Variants in C4orf17 observed in about 807,000 individuals in gnomAD.
C4orf17 encodes the protein chromosome 4 open reading frame 17, also known as uncharacterized protein C4orf17.
A neutral mutation model predicts 32.0 loss-of-function variants in C4orf17; 25 were observed. The observed-to-expected ratio is 0.78, with a 90% CI of 0.57 to 1.09. C4orf17 has a LOEUF of 1.09. Among genes scored for constraint, C4orf17 ranks in the 50% least tolerant of loss-of-function variants. The pLI is 0.00. For missense variants in C4orf17, 420 were observed against 420.0 expected, an observed-to-expected ratio of 1.00 and a Z score of 0.00; for synonymous variants, 149 against 145.8, an observed-to-expected ratio of 1.02 and a Z score of -0.16.
chr4:99,512,861 C>G, intron 1 of C4orf17, 128 bp from the exon 2 acceptor site: 1 of 492,718 alleles, frequency 2.0e-6, no homozygotes, highest in Non-Finnish European at 3.6e-6. Context: ...GGTCTGAAAA[C>G]AAAATAGCCT....
At chr4:99,536,882 AAGTTATAGGGAAT>A (rs1723571668) in intron 5 of C4orf17, among the ~76,000 whole-genome samples, 1 of 152,120 alleles carries the variant, frequency 6.6e-6, no homozygotes, top group South Asian at 2.1e-4. Flanking sequence ...ATATTAGGGA[AAGTTATAGGGAAT>A]AGTCACGAAC....
chr4:99,524,725 A>G, intron 4 of C4orf17, 140 bp downstream of exon 4: 1 of 553,726 alleles, frequency 1.8e-6, no homozygotes, highest in Non-Finnish European at 3.2e-6. Flanking sequence ...ACATAATATA[A>G]GATACACATA....
chr4:99,511,587 C>T (rs891069298), intron 1 of C4orf17, among the ~76,000 whole-genome samples: 4 of 152,044 alleles, frequency 2.6e-5, no homozygotes, highest in Non-Finnish European at 5.9e-5. Flanking sequence ...AACAATTAAT[C>T]TGTGGTCACT....
At chr4:99,524,659 T>C in intron 4 of C4orf17, 74 bp downstream of exon 4, 2 of 877,206 alleles carry the variant, frequency 2.3e-6, no homozygotes, top group Admixed American at 2.4e-5. Context: ...TTACATACCT[T>C]TCCGAAAAGT....
At chr4:99,515,873 G>C (rs1723172743) in intron 2 of C4orf17, among the ~76,000 whole-genome samples, 1 of 152,068 alleles carries the variant, frequency 6.6e-6, no homozygotes. Flanking sequence ...ATAGAGAAGA[G>C]AATTAGGAGG....
At position 99,535,905 on chromosome 4, in the gene C4orf17, A is replaced by C. The variant is rs911597697; in HGVS notation, c.547-1764A>C. On this transcript the variant is annotated intron_variant, in intron 5 of 8. Transcript: ENST00000326581. ...TCAATCTTTGAGGTTGCTGACCTTT[A>C]AATGGGATTTTTGTGGCATCTTTGT... 55 of 448,862 alleles carry C rather than the reference A, an allele frequency of 1.2e-4. No homozygotes were observed. The East Asian group carries it at 3.4e-3, about 28-fold the overall frequency. 27.8% of individuals were successfully genotyped at this position (448,862 alleles called of 1,614,324 possible). A position where few individuals can be genotyped will look rare whatever the true frequency, so the allele number is the denominator to read the frequency against.
chr4:99,524,809 C>T (rs114586645), intron 4 of C4orf17, among the ~76,000 whole-genome samples: 6,503 of 152,318 alleles, frequency 0.043, 151 homozygotes, highest in Non-Finnish European at 0.056. Context: ...AGAGAATGCA[C>T]GTCCTCATCA....
chr4:99,539,125 C>T, intron 6 of C4orf17, 38 bp from the exon 7 acceptor site: 1 of 1,572,276 alleles, frequency 6.4e-7, no homozygotes, highest in South Asian at 1.1e-5. Flanking sequence ...ATAATTGCAA[C>T]CTTCACTCCT....
chr4:99,520,058 A>C (rs1347506135), intron 2 of C4orf17, among the ~76,000 whole-genome samples: 1 of 151,504 alleles, frequency 6.6e-6, no homozygotes, highest in African/African-American at 2.4e-5. Flanking sequence ...CACAACCTAC[A>C]TGTGGGAAAA....
Position 99,511,079 on chromosome 4 carries a change from T to C in C4orf17, c.-287T>C, listed in dbSNP as rs1016766475. ...TCCTTGGAGTAAGAGTGTGAGAAAC[T>C]GGATGAAGACAGCTGTATTCTTTTG... On this transcript the variant is annotated 5_prime_UTR_variant, in exon 1 of 9. Coordinates refer to ENST00000326581, the MANE Select transcript of C4orf17 (RefSeq NM_032149.3). The C allele has an allele frequency of 1.3e-5, 2 of 152,142 alleles. No individual in the cohort carries two copies. Among genetic ancestry groups the C allele is most frequent in the Admixed American group, 6.6e-5 (1 of 15,258 alleles). The allele number at this position is 152,142 out of a possible 1,614,324, so 9.4% of individuals were successfully genotyped here. A position where few individuals can be genotyped will look rare whatever the true frequency, so the allele number is the denominator to read the frequency against.
chr4:99,529,626 AATAAG>A (rs1278489937), intron 4 of C4orf17, among the ~76,000 whole-genome samples, 184 bp from the exon 5 acceptor site: 23 of 152,348 alleles, frequency 1.5e-4, no homozygotes, highest in African/African-American at 5.5e-4. Flanking sequence ...ATCAAAAGTT[AATAAG>A]ATATCACTAT....
At chr4:99,532,686 T>G (rs556409013) in intron 5 of C4orf17, among the ~76,000 whole-genome samples, 27 of 152,304 alleles carry the variant, frequency 1.8e-4, no homozygotes, top group South Asian at 6.2e-4. Flanking sequence ...ATGTACCCGC[T>G]GAGTCTCAAA....
intron 2 of C4orf17, among the ~76,000 whole-genome samples, chr4:99,519,901 GA>G (rs2110167155): frequency 1.3e-5 from 2 of 152,188 alleles, no homozygotes; most frequent in Non-Finnish European, 2.9e-5. Context: ...CAAATTCAAG[GA>G]AAATGGCTAG....
At chr4:99,533,099 C>T (rs1560590170) in intron 5 of C4orf17, among the ~76,000 whole-genome samples, 1 of 152,142 alleles carries the variant, frequency 6.6e-6, no homozygotes, top group African/African-American at 2.4e-5. Flanking sequence ...TAATGTAATA[C>T]TTTATAAGTC....
At chr4:99,512,876 T>G in intron 1 of C4orf17, 113 bp from the exon 2 acceptor site, 1 of 543,732 alleles carries the variant, frequency 1.8e-6, no homozygotes, top group Admixed American at 3.2e-5. Context: ...TAGCCTCACA[T>G]TGCTGTAACA....
chr4:99,524,141 G>A (rs919554336), intron 3 of C4orf17, among the ~76,000 whole-genome samples: 5 of 151,800 alleles, frequency 3.3e-5, no homozygotes, highest in African/African-American at 4.8e-5. Context: ...CACCACGCCC[G>A]GCTAATTTTT....
At chr4:99,511,990 C>A (rs149771568) in intron 1 of C4orf17, among the ~76,000 whole-genome samples, 2,257 of 152,142 alleles carry the variant, frequency 0.015, 49 homozygotes, top group African/African-American at 0.05. Context: ...ATTTATACAC[C>A]ATACAGTCTA....
chr4:99,512,058 G>A lies in C4orf17; in HGVS notation c.-94+786G>A, dbSNP rs373295187. Among the ~76,000 whole-genome samples, 25 of 152,140 alleles carry A rather than the reference G, an allele frequency of 1.6e-4. 1 individual carries two copies. Among genetic ancestry groups the A allele is most frequent in the African/African-American group, 5.1e-4 (21 of 41,520 alleles). On this transcript the variant is annotated intron_variant, in intron 1 of 8. Transcript: ENST00000326581. ...GCTTTGTTCTAAAAAGGTAGTCAAC[G>A]ATCTAAAAGCATCCATCCCAACAAA...
At chr4:99,538,862 C>T (rs1178047638) in intron 6 of C4orf17, among the ~76,000 whole-genome samples, 1 of 152,128 alleles carries the variant, frequency 6.6e-6, no homozygotes, top group Non-Finnish European at 1.5e-5. Flanking sequence ...ATCCTTATAT[C>T]TTTGGCAGCA....
Sources: gnomAD v4.1 joint callset for allele counts (sites outside exome capture counted in the v4.1 genomes callset) on GRCh38, gnomAD v4.1.1 for gene constraint, MANE v1.5 for transcripts, NCBI Gene and HGNC (gene_info 2026-07-23, HGNC 2026-07-21) for gene names.